ZMIZ1: variants seen among roughly 807,000 people sequenced by gnomAD.
The protein encoded by ZMIZ1 is zinc finger MIZ domain-containing protein 1.
A neutral mutation model predicts 113.9 loss-of-function variants in ZMIZ1; 17 were observed. The ratio of observed to expected loss-of-function variants is 0.15; its 90% CI spans 0.10 to 0.22. The LOEUF is 0.22. Among genes scored for constraint, ZMIZ1 ranks in the 10% least tolerant of loss-of-function variants. ZMIZ1 has a pLI of 1.00. For missense variants in ZMIZ1, 1,059 were observed against 1,477.8 expected, an observed-to-expected ratio of 0.72 and a Z score of 4.65; for synonymous variants, 607 against 603.1, an observed-to-expected ratio of 1.01 and a Z score of -0.09.
chr10:79,103,696 C>A lies in ZMIZ1; in HGVS notation c.-336-15219C>A, dbSNP rs903820929. Among the ~76,000 whole-genome samples, 67 of 152,176 alleles carry A rather than the reference C, an allele frequency of 4.4e-4. 1 individual carries two copies. The South Asian group carries it at 4.8e-3, about 11-fold the overall frequency. On this transcript the variant is annotated intron_variant, in intron 1 of 24. Transcript: ENST00000334512. ...GAGCAGCTGCATGGGGCACACCAGG[C>A]CCCAGGCTGGCAAGCCCTCCTCCCT...
intron 4 of ZMIZ1, among the ~76,000 whole-genome samples, chr10:79,189,585 C>G (rs928566992): frequency 2.0e-5 from 3 of 152,198 alleles, no homozygotes; most frequent in Admixed American, 2.0e-4. Flanking sequence ...CAGAAGCCAG[C>G]AAGTGTCAGA....
rs1192392991 is a variant in ZMIZ1, at chr10:79,316,268, A to C, written c.*3519A>C. The C allele has an allele frequency of 2.0e-5, 3 of 152,572 alleles. No homozygotes were observed. The highest frequency in any genetic ancestry group is 4.4e-5 in the Non-Finnish European group (3 of 68,038). The allele number at this position is 152,572 out of a possible 1,614,324, so 9.5% of individuals were successfully genotyped here. A position where few individuals can be genotyped will look rare whatever the true frequency, so the allele number is the denominator to read the frequency against. ...TACAATGCAATCATTTCATACTTTA[A>C]ACTGGTCAAAAAACTAATTGTGATT... is the stretch of plus-strand genomic sequence containing the variant. On this transcript the variant is annotated 3_prime_UTR_variant, in exon 25 of 25. Coordinates refer to ENST00000334512, the MANE Select transcript of ZMIZ1 (RefSeq NM_020338.4).
intron 5 of ZMIZ1, among the ~76,000 whole-genome samples, chr10:79,207,414 C>T (rs1848358699): frequency 6.6e-6 from 1 of 152,214 alleles, no homozygotes; most frequent in South Asian, 2.1e-4. Context: ...CTCCTAGCCA[C>T]ATCTTTTGTC....
At chr10:79,303,313 G>A (rs981694036) in intron 18 of ZMIZ1, among the ~76,000 whole-genome samples, 3 of 152,114 alleles carry the variant, frequency 2.0e-5, no homozygotes, top group African/African-American at 7.2e-5. Context: ...AATTAGCCAG[G>A]TGTGGTGGTT....
In ZMIZ1 at chr10:79,144,921, C is replaced by T. The variant is rs145794259; in HGVS notation, c.-131+5144C>T. ...CTCCTCTCTGCTGTGTGTCTGTCTC[C>T]GTGGCTCCTGGCTTCTTCATCCACT... On this transcript the variant is annotated intron_variant, in intron 3 of 24. Coordinates refer to ENST00000334512, the MANE Select transcript of ZMIZ1 (RefSeq NM_020338.4). Among the ~76,000 whole-genome samples, 167 of 151,962 alleles carry T rather than the reference C, an allele frequency of 1.1e-3. 1 individual carries two copies. Among genetic ancestry groups the T allele is most frequent in the Non-Finnish European group, 2.2e-3 (148 of 67,972 alleles).
chr10:79,303,954 A>C, intron 18 of ZMIZ1, 61 bp from the exon 19 acceptor site: 2 of 1,603,062 alleles, frequency 1.2e-6, no homozygotes, highest in East Asian at 4.5e-5. Context: ...GCACGTGCAG[A>C]CCCCCTACCT....
Position 79,218,879 on chromosome 10 carries a change from A to AG in ZMIZ1, c.280+2610dup, listed in dbSNP as rs542258217. On this transcript the variant is annotated intron_variant, in intron 7 of 24. Transcript: ENST00000334512. ...GGCAGTGATTCTGGAGCCCAGAGGC[A>AG]GGGGGTACATGGCAAAGGCGAGGCT... is the stretch of plus-strand genomic sequence containing the variant. Among the ~76,000 whole-genome samples the AG allele has an allele frequency of 7.9e-5, 12 of 152,204 alleles. No individual in the cohort carries two copies. In the East Asian group the frequency reaches 2.3e-3, roughly 29 times the overall value.
intron 7 of ZMIZ1, among the ~76,000 whole-genome samples, chr10:79,248,853 G>A (rs1403019399): frequency 6.6e-6 from 1 of 152,168 alleles, no homozygotes; most frequent in Admixed American, 6.5e-5. Context: ...GCTGGGACTG[G>A]AGTGGATGGG....
At chr10:79,312,010 A>G (rs945633774) in intron 24 of ZMIZ1, among the ~76,000 whole-genome samples, 1 of 152,146 alleles carries the variant, frequency 6.6e-6, no homozygotes, top group Non-Finnish European at 1.5e-5. Flanking sequence ...CAGCCATCTC[A>G]GGTCCTTGCC....
intron 4 of ZMIZ1, among the ~76,000 whole-genome samples, chr10:79,175,842 C>A (rs1225920992): frequency 1.3e-5 from 2 of 152,004 alleles, no homozygotes. Flanking sequence ...CCGGGCTTAG[C>A]CCACAGGACT....
chr10:79,166,107 G>C (rs923873699), intron 4 of ZMIZ1, among the ~76,000 whole-genome samples: 4 of 152,012 alleles, frequency 2.6e-5, no homozygotes, highest in African/African-American at 9.7e-5. Context: ...CTCCTGCCCA[G>C]TTTTCCTGTC....
intron 7 of ZMIZ1, among the ~76,000 whole-genome samples, chr10:79,263,275 TAGA>T (rs1295627774): frequency 6.6e-6 from 1 of 152,178 alleles, no homozygotes; most frequent in Non-Finnish European, 1.5e-5. Context: ...AGCTCAGAGT[TAGA>T]GGAACGAATA....
At chr10:79,293,316 C>A (rs746243861) in intron 11 of ZMIZ1, 65 bp from the exon 12 acceptor site, 44 of 1,402,590 alleles carry the variant, frequency 3.1e-5, no homozygotes, top group Non-Finnish European at 3.9e-5. Context: ...CCTGCACTTT[C>A]AATGCATGTG....
chr10:79,286,392 CT>C (rs1853078522), intron 8 of ZMIZ1, among the ~76,000 whole-genome samples: 1 of 152,248 alleles, frequency 6.6e-6, no homozygotes, highest in South Asian at 2.1e-4. Flanking sequence ...CGAGAGCCTT[CT>C]CTGCGACAGC....
chr10:79,232,824 G>T (rs1173228937), intron 7 of ZMIZ1, among the ~76,000 whole-genome samples: 1 of 152,174 alleles, frequency 6.6e-6, no homozygotes, highest in Non-Finnish European at 1.5e-5. Context: ...TTCTGACTTG[G>T]TGTCCCTGTG....
intron 3 of ZMIZ1, among the ~76,000 whole-genome samples, chr10:79,147,617 C>CAA (rs1404033673): frequency 2.0e-5 from 3 of 152,206 alleles, no homozygotes; most frequent in African/African-American, 7.2e-5. Flanking sequence ...ATATTTTCTT[C>CAA]CCATTGGATG....
chr10:79,152,871 T>G (rs559208798), intron 3 of ZMIZ1, among the ~76,000 whole-genome samples: 1 of 152,370 alleles, frequency 6.6e-6, no homozygotes, highest in South Asian at 2.1e-4. Flanking sequence ...GCCCATTCAT[T>G]CTTCCAGAAA....
chr10:79,220,596 G>A (rs1010383318), intron 7 of ZMIZ1, among the ~76,000 whole-genome samples: 3 of 152,198 alleles, frequency 2.0e-5, no homozygotes, highest in African/African-American at 7.2e-5. Context: ...TGCCTGTGCA[G>A]TTCTGCCCTC....
At chr10:79,223,836 C>T (rs1444409647) in intron 7 of ZMIZ1, among the ~76,000 whole-genome samples, 1 of 152,216 alleles carries the variant, frequency 6.6e-6, no homozygotes, top group Non-Finnish European at 1.5e-5. Flanking sequence ...CCCTCCCCCA[C>T]CTCCCTGAGG....
Sources: allele counts gnomAD v4.1 joint callset (sites outside exome capture counted in the v4.1 genomes callset), GRCh38; gene constraint gnomAD v4.1.1; transcripts MANE v1.5; gene names NCBI Gene and HGNC (gene_info 2026-07-23, HGNC 2026-07-21).